THTPA: variants seen among roughly 807,000 people sequenced by gnomAD.
The protein encoded by THTPA is thiamine triphosphatase, also known as thiamine-triphosphatase.
Under a neutral mutation model 16.5 loss-of-function variants are expected in THTPA, and 16 were observed. That is an observed-to-expected ratio of 0.97 (90% CI 0.66 to 1.47). The LOEUF (loss-of-function observed/expected upper bound fraction) is 1.47. Ranked by LOEUF, THTPA falls within the 40% of genes most tolerant of loss-of-function variation. THTPA has a pLI of 0.00. For synonymous variants in THTPA, 110 were observed against 115.5 expected (o/e 0.95, Z 0.30); for missense variants, 281 against 280.9 (o/e 1.00, Z 0.00).
the THTPA span, chr14:23,523,218 C>T: frequency 7.0e-7 from 1 of 1,429,812 alleles, no homozygotes; most frequent in African/African-American, 1.4e-5. This position sits in a 1 kb window ranked among gnomAD's most constrained non-coding sequence, Gnocchi z 4.1. Context: ...TTGAAAGGAG[C>T]TAAGTTGCCC....
chr14:23,526,106 G>A, the THTPA span: 23 of 1,536,338 alleles, frequency 1.5e-5, no homozygotes, highest in East Asian at 5.6e-4. Flanking sequence ...ATCAGTCTTG[G>A]TTCCCCGAGA....
chr14:23,551,854 G>GCGCC (rs935108013), upstream of THTPA, among the ~76,000 whole-genome samples: 15 of 152,040 alleles, frequency 9.9e-5, no homozygotes, highest in African/African-American at 3.6e-4. The surrounding 1 kb of genome is among the most constrained non-coding windows in gnomAD (Gnocchi z 5.3). Context: ...TAGTCTGTTC[G>GCGCC]CGCCCGCCCG....
At chr14:23,538,260 T>C in the THTPA span, among the ~76,000 whole-genome samples, 2 of 152,140 alleles carry the variant, frequency 1.3e-5, no homozygotes, top group African/African-American at 4.8e-5. Context: ...CTAACCCTCC[T>C]CCTCTTTAGG....
chr14:23,515,019 C>T, the THTPA span, among the ~76,000 whole-genome samples: 1 of 152,158 alleles, frequency 6.6e-6, no homozygotes, highest in Admixed American at 6.5e-5. Context: ...GGCTAGAGCA[C>T]AGGCTGTAGA....
At chr14:23,525,642 C>T in the THTPA span, 14 of 1,535,706 alleles carry the variant, frequency 9.1e-6, no homozygotes, top group African/African-American at 2.7e-5. This position sits in a 1 kb window ranked among gnomAD's most constrained non-coding sequence, Gnocchi z 5.9. Flanking sequence ...CGGGCAGCCT[C>T]GTTGGGCAAT....
At chr14:23,523,407 G>C in the THTPA span, 8 of 1,524,774 alleles carry the variant, frequency 5.2e-6, no homozygotes, top group Non-Finnish European at 7.0e-6. This position sits in a 1 kb window ranked among gnomAD's most constrained non-coding sequence, Gnocchi z 4.1. Flanking sequence ...AGCTGGGCTC[G>C]AACCGCCTCC....
the THTPA span, chr14:23,531,775 A>G: frequency 3.9e-6 from 5 of 1,270,580 alleles, no homozygotes; most frequent in Non-Finnish European, 5.0e-6. Context: ...GCCAGACCTC[A>G]GGGGACTTTT....
Position 23,556,891 on chromosome 14 carries a change from T to C in THTPA, c.134T>C (p.Leu45Pro), listed in dbSNP as rs763131534. ...FRDTYYDTPE[L>P]SLMQADHWLR... is the part of the protein sequence containing the mutation. ...GACACCTACTATGACACCCCTGAGC[T>C]GAGCCTCATGCAGGCTGACCACTGG... The change falls in exon 1 of 2, where the codon CTG (leucine) becomes CCG (proline). Residue 45 changes from leucine to proline, a missense_variant. Physicochemically the swap from Leu to Pro is moderately conservative, Grantham distance 98. Coordinates refer to ENST00000288014, the MANE Select transcript of THTPA (RefSeq NM_024328.6). 8 of 1,613,798 alleles carry C rather than the reference T, an allele frequency of 5.0e-6. No homozygotes were observed. In the South Asian group the frequency reaches 7.7e-5, roughly 16 times the overall value.
In THTPA at chr14:23,556,936, G is replaced by A; in HGVS notation, c.179G>A (p.Ser60Asn). 1.2e-6 allele frequency: 2 copies of A among 1,614,194 alleles called. No homozygotes were observed. The highest frequency in any genetic ancestry group is 1.7e-6 in the Non-Finnish European group (2 of 1,180,036). The change falls in exon 1 of 2, where the codon AGT becomes AAT. Residue 60 changes from serine (S) to asparagine (N), a missense_variant. Ser to Asn is a conservative substitution (Grantham distance 46). Transcript: ENST00000288014. ...CACTGGCTGCGACGACGAGAGGATA[G>A]TGGATGGGAGCTCAAATGTCCTGGA... ...ADHWLRRREDSGWELKCPGAA... is the reference protein window; with the variant it reads ...ADHWLRRREDNGWELKCPGAA...
chr14:23,527,528 A>T, the THTPA span: 7 of 1,508,100 alleles, frequency 4.6e-6, no homozygotes, highest in Non-Finnish European at 6.2e-6. Flanking sequence ...CTGCCTGAAT[A>T]CCCCTGCCTC....
chr14:23,515,943 T>C, the THTPA span, among the ~76,000 whole-genome samples: 2 of 152,154 alleles, frequency 1.3e-5, no homozygotes, highest in Non-Finnish European at 2.9e-5. Context: ...CCATGGTCAG[T>C]TTCCAGTATG....
Position 23,559,855 on chromosome 14 carries a change from G to A in THTPA, c.*1015G>A. The A allele has an allele frequency of 1.9e-6, 3 of 1,614,044 alleles. No individual in the cohort carries two copies. Among genetic ancestry groups the A allele is most frequent in the South Asian group, 1.1e-5 (1 of 91,068 alleles). ...CAGCTTTAGCCGCAGGGGGGCCTAGGAATAGGAGAGCAGGGACCAGGGTTA... is the reference window on the plus strand; with the variant it reads ...CAGCTTTAGCCGCAGGGGGGCCTAGAAATAGGAGAGCAGGGACCAGGGTTA... On this transcript the variant is annotated 3_prime_UTR_variant, in exon 2 of 2. Coordinates refer to ENST00000288014, the MANE Select transcript of THTPA (RefSeq NM_024328.6).
chr14:23,537,164 A>T, the THTPA span, among the ~76,000 whole-genome samples: 2 of 152,066 alleles, frequency 1.3e-5, no homozygotes, highest in African/African-American at 2.4e-5. Flanking sequence ...CACCAAAAAA[A>T]CAGAAAGAAA....
At chr14:23,523,050 A>G in the THTPA span, 5 of 1,403,708 alleles carry the variant, frequency 3.6e-6, no homozygotes, top group Non-Finnish European at 4.6e-6. This position sits in a 1 kb window ranked among gnomAD's most constrained non-coding sequence, Gnocchi z 4.1. Context: ...CCGGATTTCC[A>G]TGCCCCTTCC....
At chr14:23,512,569 A>G in the THTPA span, among the ~76,000 whole-genome samples, 3 of 113,006 alleles carry the variant, frequency 2.7e-5, no homozygotes, top group African/African-American at 3.4e-5. Flanking sequence ...CCTCCCTGGC[A>G]TGGGATTCAT....
At chr14:23,548,821 G>A in the THTPA span, among the ~76,000 whole-genome samples, 3 of 152,094 alleles carry the variant, frequency 2.0e-5, no homozygotes, top group Admixed American at 2.0e-4. Context: ...CCTGCTATTT[G>A]TGCTATGCTT....
chr14:23,532,307 G>A, the THTPA span: 2 of 394,342 alleles, frequency 5.1e-6, no homozygotes, highest in African/African-American at 4.1e-5. Context: ...AAACTGAGCT[G>A]ATACCACCCC....
chr14:23,533,802 G>T, the THTPA span: 1 of 1,545,982 alleles, frequency 6.5e-7, no homozygotes, highest in Non-Finnish European at 8.7e-7. This position sits in a 1 kb window ranked among gnomAD's most constrained non-coding sequence, Gnocchi z 4.8. Context: ...CGTCACAGCG[G>T]TAGGGTTTGT....
At chr14:23,520,425 A>G in the THTPA span, among the ~76,000 whole-genome samples, 1 of 152,078 alleles carries the variant, frequency 6.6e-6, no homozygotes, top group East Asian at 1.9e-4. This position sits in a 1 kb window ranked among gnomAD's most constrained non-coding sequence, Gnocchi z 8.7. Context: ...AGTTTGTGAG[A>G]AAGGTAAATG....
Sources: gnomAD v4.1 joint callset for allele counts (sites outside exome capture counted in the v4.1 genomes callset) on GRCh38, gnomAD v4.1.1 for gene constraint, Gnocchi (gnomAD v3.1) non-coding constraint, MANE v1.5 for transcripts, NCBI Gene and HGNC (gene_info 2026-07-23, HGNC 2026-07-21) for gene names.